Variants in ZFP28 observed in about 807,000 individuals in gnomAD.
ZFP28 encodes the protein ZFP28 zinc finger protein.
In ZFP28, 31 loss-of-function variants were observed where a neutral mutation model predicts 39.5. That is an observed-to-expected ratio of 0.79 (90% CI 0.59 to 1.06). The LOEUF (loss-of-function observed/expected upper bound fraction) is 1.06, where lower values mean the gene tolerates loss of function less well. ZFP28 is among the 50% of genes least tolerant of loss of function. The pLI is 0.00. For missense variants in ZFP28, 925 were observed against 1,048.4 expected (o/e 0.88, Z 1.63); for synonymous variants, 400 against 378.6 (o/e 1.06, Z -0.66).
intron 2 of ZFP28, among the ~76,000 whole-genome samples, chr19:56,541,712 C>A (rs2044196659): frequency 6.6e-6 from 1 of 151,890 alleles, no homozygotes; most frequent in Admixed American, 6.6e-5. Context: ...CATCCCTCTT[C>A]CCTGCTTTGC....
At chr19:56,553,638 C>T (rs528524781) in intron 7 of ZFP28, 46 bp from the exon 8 acceptor site, 1 of 1,521,434 alleles carries the variant, frequency 6.6e-7, no homozygotes, top group East Asian at 2.3e-5. Flanking sequence ...ATTCCTTTTT[C>T]CTAGCACACG....
At chr19:56,549,967 T>C in intron 5 of ZFP28, 100 bp from the exon 6 acceptor site, 1 of 822,228 alleles carries the variant, frequency 1.2e-6, no homozygotes, top group South Asian at 1.7e-5. Flanking sequence ...GTTCTTGGTA[T>C]GGAGTGCCTT....
chr19:56,537,116 C>G (rs114466605), upstream of ZFP28, among the ~76,000 whole-genome samples: 1 of 152,106 alleles, frequency 6.6e-6, no homozygotes, highest in South Asian at 2.1e-4. Context: ...ATTAGATAAC[C>G]TCAAGGAGCA....
At chr19:56,539,334 C>T (rs2044172775) in intron 1 of ZFP28, 108 bp downstream of exon 1, 3 of 1,197,328 alleles carry the variant, frequency 2.5e-6, no homozygotes, top group South Asian at 1.6e-5. Flanking sequence ...AGAACTGTGC[C>T]CCTGGTCTTT....
chr19:56,551,753 T>C, intron 7 of ZFP28: 1 of 984,418 alleles, frequency 1.0e-6, no homozygotes, highest in Non-Finnish European at 1.2e-6. Context: ...TGAAAGAAGT[T>C]GAACATTTTT....
At chr19:56,538,772 CGGGGCGGGGCGGG>C (rs2044159076), upstream of ZFP28, among the ~76,000 whole-genome samples, 1 of 6,814 alleles carries the variant, frequency 1.5e-4, no homozygotes, top group Non-Finnish European at 2.8e-4. Context: ...GGCTGAGGGG[CGGGGCGGGGCGGG>C]GCGGGGCGGG....
At position 56,547,657 on chromosome 19, in the gene ZFP28, C is replaced by T. The variant is rs202073810; in HGVS notation, c.427+23C>T. 1,118 of 1,594,444 alleles carry T rather than the reference C, an allele frequency of 7.0e-4. No individual in the cohort carries two copies. The highest frequency in any genetic ancestry group is 1.3e-3 in the Admixed American group (76 of 58,014). ...TGGGTAAGGGCTCCCACCCCTTTTC[C>T]CACCCCTCACCCTACCCACGTCCTG... On this transcript the variant is annotated intron_variant, in intron 3 of 7. Coordinates refer to ENST00000301318, the MANE Select transcript of ZFP28 (RefSeq NM_020828.2). This position sits in a 1 kb window ranked among gnomAD's most constrained non-coding sequence, Gnocchi z 4.6.
chr19:56,539,084 C>T lies in ZFP28; in HGVS notation c.66C>T (p.Arg22=), dbSNP rs2044167643. The T allele has an allele frequency of 6.5e-7, 1 of 1,534,562 alleles. No homozygotes were observed. Among genetic ancestry groups the T allele is most frequent in the Admixed American group, 2.0e-5 (1 of 51,182 alleles). Residue 22 remains arginine, a synonymous_variant, in exon 1 of 8, where the codon CGC becomes CGT. Transcript: ENST00000301318. ...PTPLPGRGAP[R]TKPRAGRGPT... ...CGCTCCCGGGTAGAGGCGCCCCCCG[C>T]ACAAAGCCCCGGGCGGGCCGAGGCC...
chr19:56,553,551 T>C (rs1033702591), intron 7 of ZFP28, 133 bp from the exon 8 acceptor site: 1 of 1,216,396 alleles, frequency 8.2e-7, no homozygotes, highest in African/African-American at 1.5e-5. Context: ...CTAAATGTAA[T>C]AGTTTTTAGA....
rs778841670 is a variant in ZFP28 at position 56,549,116 on chromosome 19, C to A, written c.682C>A (p.Gln228Lys). The A allele has an allele frequency of 1.9e-6, 3 of 1,602,730 alleles. No individual in the cohort carries two copies. Among genetic ancestry groups the A allele is most frequent in the Admixed American group, 3.4e-5 (2 of 58,212 alleles). The change falls in exon 5 of 8, where the codon CAG becomes AAG. Residue 228 changes from glutamine to lysine, a missense_variant. Gln to Lys is a moderately conservative substitution (Grantham distance 53, BLOSUM62 1). Around this residue, in one of 2 missense-constraint regions of ZFP28, gnomAD observed 556 missense variants for 542.9 expected, o/e 1.02. Coordinates refer to ENST00000301318, the MANE Select transcript of ZFP28 (RefSeq NM_020828.2). ...GGATTATGATGCTCTGTTTGAGACA[C>A]AGCCGGTAAGTCACAAGACAAATTT... Reference protein sequence around the residue: ...HWDYDALFETQPGLVTIKNLA... With the variant: ...HWDYDALFETKPGLVTIKNLA...
chr19:56,552,316 G>A (rs1000533175), intron 7 of ZFP28: 7 of 152,154 alleles, frequency 4.6e-5, no homozygotes, highest in Admixed American at 4.6e-4. Flanking sequence ...CGTTGGTAAA[G>A]AATATATGAG....
At position 56,547,548 on chromosome 19, in the gene ZFP28, A is replaced by T. The variant is rs759310451; in HGVS notation, c.341A>T (p.Gln114Leu). The change falls in exon 3 of 8, where the codon CAA (glutamine) becomes CTA (leucine). Residue 114 changes from glutamine to leucine, a missense_variant. Coordinates refer to ENST00000301318, the MANE Select transcript of ZFP28 (RefSeq NM_020828.2). The surrounding 1 kb of genome is among the most constrained non-coding windows in gnomAD (Gnocchi z 4.6). ...GGGGATGTGGCTGTAGATTTCTCCC[A>T]AGAGGAGTGGGAGTGGCTGAACCCC... ...TFGDVAVDFS[Q>L]EEWEWLNPIQ... The T allele has an allele frequency of 1.1e-5, 17 of 1,614,148 alleles. No homozygotes were observed. The highest frequency in any genetic ancestry group is 1.4e-5 in the Non-Finnish European group (17 of 1,180,018).
chr19:56,541,231 T>A, intron 2 of ZFP28, among the ~76,000 whole-genome samples: 1 of 152,242 alleles, frequency 6.6e-6, no homozygotes, highest in East Asian at 1.9e-4. Flanking sequence ...CGTTTCATCC[T>A]CTCAGTTACT....
chr19:56,538,995 G>C lies in ZFP28; in HGVS notation c.-24G>C. 26 of 1,388,480 alleles carry C rather than the reference G, an allele frequency of 1.9e-5. No homozygotes were observed. The highest frequency in any genetic ancestry group is 2.4e-5 in the Non-Finnish European group (26 of 1,076,484). The allele number at this position is 1,388,480 out of a possible 1,614,324, so 86.0% of individuals were successfully genotyped here. ...TGGGTCTGTGAGGGACCGGTCGGAA[G>C]GGCGTCGCGCGGCCTCGGGTGACAT... On this transcript the variant is annotated 5_prime_UTR_variant, in exon 1 of 8. Coordinates refer to ENST00000301318, the MANE Select transcript of ZFP28 (RefSeq NM_020828.2).
chr19:56,543,456 A>AT (rs2044213915), intron 2 of ZFP28, among the ~76,000 whole-genome samples: 1 of 151,440 alleles, frequency 6.6e-6, no homozygotes, highest in African/African-American at 2.4e-5. Flanking sequence ...TATATTGGCT[A>AT]TTTTCAGGCA....
chr19:56,547,799 G>A lies in ZFP28; in HGVS notation c.428-8G>A. ...ACAGTATGACCAGGTTGTTTTTTAT[G>A]TGTCTAGGACTTTGTGTTTCTAAGC... On this transcript the variant is annotated splice_polypyrimidine_tract_variant and splice_region_variant and intron_variant, in intron 3 of 7. Coordinates refer to ENST00000301318, the MANE Select transcript of ZFP28 (RefSeq NM_020828.2). This position sits in a 1 kb window ranked among gnomAD's most constrained non-coding sequence, Gnocchi z 4.6. 1 of 1,613,868 alleles carries A rather than the reference G, an allele frequency of 6.2e-7. No homozygotes were observed. The highest frequency in any genetic ancestry group is 8.5e-7 in the Non-Finnish European group (1 of 1,179,856).
At chr19:56,543,392 G>A (rs1383798187) in intron 2 of ZFP28, among the ~76,000 whole-genome samples, 1 of 132,110 alleles carries the variant, frequency 7.6e-6, no homozygotes, top group Non-Finnish European at 1.6e-5. Context: ...ATATATATAT[G>A]TATATATAAT....
intron 7 of ZFP28, chr19:56,551,645 T>C: frequency 1.0e-6 from 1 of 985,460 alleles, no homozygotes; most frequent in Non-Finnish European, 1.2e-6. Context: ...CAATTAGATG[T>C]ATGAGTTTAA....
In ZFP28 at chr19:56,539,095, G is replaced by T; in HGVS notation, c.77G>T (p.Arg26Leu). Reference protein sequence around the residue: ...PGRGAPRTKPRAGRGPTVGTP... With the variant: ...PGRGAPRTKPLAGRGPTVGTP... Reference sequence around the variant, plus strand: ...AGAGGCGCCCCCCGCACAAAGCCCCGGGCGGGCCGAGGCCCGACTGTAGGG... The same window carrying T: ...AGAGGCGCCCCCCGCACAAAGCCCCTGGCGGGCCGAGGCCCGACTGTAGGG... Residue 26 changes from arginine (R) to leucine (L), a missense_variant, in exon 1 of 8, where the codon CGG becomes CTG. Around this residue, in one of 2 missense-constraint regions of ZFP28, gnomAD observed 556 missense variants for 542.9 expected, o/e 1.02. Coordinates refer to ENST00000301318, the MANE Select transcript of ZFP28 (RefSeq NM_020828.2). The T allele has an allele frequency of 1.3e-6, 2 of 1,544,744 alleles. No individual in the cohort carries two copies. The highest frequency in any genetic ancestry group is 1.7e-6 in the Non-Finnish European group (2 of 1,151,134).
Sources: gnomAD v4.1 joint callset for allele counts (sites outside exome capture counted in the v4.1 genomes callset) on GRCh38, gnomAD v4.1.1 for gene constraint, gnomAD v4.1.1 regional missense constraint, Gnocchi (gnomAD v3.1) non-coding constraint, MANE v1.5 for transcripts, NCBI Gene and HGNC (gene_info 2026-07-23, HGNC 2026-07-21) for gene names.